Variants in CACNA2D1 observed in about 807,000 individuals in gnomAD.
CACNA2D1 encodes the protein calcium voltage-gated channel auxiliary subunit alpha2delta 1, also known as voltage-dependent calcium channel subunit alpha-2/delta-1.
Under a neutral mutation model 171.5 loss-of-function variants are expected in CACNA2D1, and 53 were observed. The observed-to-expected ratio is 0.31, with a 90% CI of 0.25 to 0.39. The LOEUF is 0.39. Ranked by LOEUF, CACNA2D1 falls within the 10% of genes least tolerant of loss-of-function variation. The pLI is 1.00. For synonymous variants in CACNA2D1, 442 were observed against 443.1 expected (o/e 1.00, Z 0.03); for missense variants, 903 against 1,299.8 (o/e 0.69, Z 4.69).
intron 6 of CACNA2D1, among the ~76,000 whole-genome samples, chr7:82,108,015 C>T (rs929340864): frequency 1.3e-5 from 2 of 152,104 alleles, no homozygotes; most frequent in African/African-American, 4.8e-5. Flanking sequence ...GTTTAATAGG[C>T]TATCAAAATA....
At chr7:82,013,598 AGAGT>A in intron 13 of CACNA2D1, 88 bp from the exon 14 acceptor site, 1 of 460,630 alleles carries the variant, frequency 2.2e-6, no homozygotes, top group Non-Finnish European at 3.3e-6. Context: ...TATTTTATAA[AGAGT>A]ATTTTGAAAA....
intron 29 of CACNA2D1, 135 bp downstream of exon 29, chr7:81,968,752 T>G (rs1794964404): frequency 1.6e-6 from 1 of 621,770 alleles, no homozygotes; most frequent in East Asian, 2.9e-5. Context: ...TTTATTTAAT[T>G]TTTTTAAGTG....
chr7:82,226,577 C>A (rs1025791337), intron 3 of CACNA2D1, among the ~76,000 whole-genome samples: 3 of 152,084 alleles, frequency 2.0e-5, no homozygotes, highest in Non-Finnish European at 4.4e-5. Context: ...AGCCACAGAA[C>A]CATTGGTGTC....
intron 3 of CACNA2D1, among the ~76,000 whole-genome samples, chr7:82,223,503 G>A (rs1802015142): frequency 6.6e-6 from 1 of 152,148 alleles, no homozygotes. Flanking sequence ...GTAGAAAGCA[G>A]GAAAGACAGA....
intron 7 of CACNA2D1, among the ~76,000 whole-genome samples, chr7:82,079,202 G>C (rs1325671259): frequency 6.6e-6 from 1 of 152,076 alleles, no homozygotes; most frequent in African/African-American, 2.4e-5. Context: ...CTACATCTGG[G>C]CAATATGCTC....
rs536379850 is a variant in CACNA2D1, at chr7:82,336,869, C to A, written c.178-1618G>T. ...TGTAGTGTGCATTGTACCATTAATACCTTGTTCATTTCTCTATGCAGTCTA... is the reference window on the plus strand; with the variant it reads ...TGTAGTGTGCATTGTACCATTAATAACTTGTTCATTTCTCTATGCAGTCTA... On this transcript the variant is annotated intron_variant, in intron 2 of 38. Transcript: ENST00000356860. 9.2e-5 allele frequency among the ~76,000 whole-genome samples: 14 copies of A among 152,212 alleles called. No individual in the cohort carries two copies. The South Asian group carries it at 2.7e-3, about 29-fold the overall frequency.
rs1256411277 is a variant in CACNA2D1 at position 82,443,301 on chromosome 7, A to AC, written c.95+63dup. On this transcript the variant is annotated intron_variant, in intron 1 of 38. Coordinates refer to ENST00000356860, the MANE Select transcript of CACNA2D1 (RefSeq NM_000722.4). ...GAAAAGCCCCGCGACTCGGGAACCG[A>AC]CCCCCACCCCCAACTCCCGCGGCGC... 27 of 1,419,580 alleles carry AC rather than the reference A, an allele frequency of 1.9e-5. No homozygotes were observed. The South Asian group carries it at 2.8e-4, about 15-fold the overall frequency. 87.9% of individuals were successfully genotyped at this position (1,419,580 alleles called of 1,614,324 possible).
At chr7:82,348,794 C>T (rs980915054) in intron 2 of CACNA2D1, among the ~76,000 whole-genome samples, 1 of 152,046 alleles carries the variant, frequency 6.6e-6, no homozygotes, top group African/African-American at 2.4e-5. Context: ...AATAAAAGGC[C>T]TCATTGCATC....
chr7:82,104,938 T>G (rs1014729015), intron 6 of CACNA2D1, among the ~76,000 whole-genome samples: 2 of 152,100 alleles, frequency 1.3e-5, no homozygotes, highest in African/African-American at 4.8e-5. Flanking sequence ...AGAGGGAAGA[T>G]TCTATTTCTC....
intron 10 of CACNA2D1, among the ~76,000 whole-genome samples, chr7:82,054,144 T>C (rs911879070): frequency 6.6e-6 from 1 of 152,196 alleles, no homozygotes; most frequent in East Asian, 1.9e-4. Context: ...CTTTAGGAAA[T>C]AAATGTTAGT....
At chr7:82,163,891 CAT>C (rs1274940806) in intron 4 of CACNA2D1, among the ~76,000 whole-genome samples, 1 of 151,996 alleles carries the variant, frequency 6.6e-6, no homozygotes, top group East Asian at 1.9e-4. Flanking sequence ...AGATAGTACT[CAT>C]AGAAGCAGAG....
chr7:82,243,579 T>C (rs971316953), intron 3 of CACNA2D1, among the ~76,000 whole-genome samples: 2 of 152,152 alleles, frequency 1.3e-5, no homozygotes, highest in Non-Finnish European at 2.9e-5. Context: ...CAAACGTGTT[T>C]TTGTTTTGGT....
rs565901109 is a variant in CACNA2D1 at position 82,013,572 on chromosome 7, T to G, written c.1223-62A>C. 1.3e-4 allele frequency: 74 copies of G among 554,394 alleles called. No individual in the cohort carries two copies. The African/African-American group carries it at 1.4e-3, about 10-fold the overall frequency. The allele number at this position is 554,394 out of a possible 1,614,324, so 34.3% of individuals were successfully genotyped here. A position where few individuals can be genotyped will look rare whatever the true frequency, so the allele number is the denominator to read the frequency against. On this transcript the variant is annotated intron_variant, in intron 13 of 38. Transcript: ENST00000356860. ...ACTTTATAATAAAGGGCCACAAAAT[T>G]ATTTTATTTTATAAATATTTTATAA...
intron 3 of CACNA2D1, among the ~76,000 whole-genome samples, chr7:82,213,629 C>T (rs1341973038): frequency 6.6e-6 from 1 of 152,210 alleles, no homozygotes; most frequent in Non-Finnish European, 1.5e-5. Flanking sequence ...CTCCTGCTTA[C>T]AGGCAAAGTA....
chr7:82,037,882 A>C (rs879741760), intron 11 of CACNA2D1, among the ~76,000 whole-genome samples, 195 bp downstream of exon 11: 2 of 152,206 alleles, frequency 1.3e-5, no homozygotes, highest in Non-Finnish European at 2.9e-5. Flanking sequence ...AAAAATCTAC[A>C]TTTTAGATGC....
chr7:82,367,040 G>A (rs1821817625), intron 1 of CACNA2D1, among the ~76,000 whole-genome samples: 1 of 150,540 alleles, frequency 6.6e-6, no homozygotes, highest in African/African-American at 2.4e-5. Flanking sequence ...CCAAGTAGCT[G>A]GGACTACAGA....
intron 10 of CACNA2D1, chr7:82,050,226 TAAAC>T: frequency 4.5e-6 from 1 of 221,914 alleles, no homozygotes; most frequent in African/African-American, 2.3e-5. Context: ...TAGTTGGTGT[TAAAC>T]AATCAAGTCA....
intron 1 of CACNA2D1, among the ~76,000 whole-genome samples, chr7:82,403,808 G>T (rs1365606425): frequency 1.3e-5 from 2 of 152,176 alleles, no homozygotes; most frequent in Admixed American, 6.5e-5. Flanking sequence ...GCTGACAGTG[G>T]CTAATTGTTC....
chr7:82,186,491 T>C (rs1797796494), intron 3 of CACNA2D1, among the ~76,000 whole-genome samples: 1 of 152,162 alleles, frequency 6.6e-6, no homozygotes, highest in Admixed American at 6.5e-5. Flanking sequence ...AAAGTTAAGG[T>C]TGCAGGGTAT....
Sources: gnomAD v4.1 joint callset for allele counts (sites outside exome capture counted in the v4.1 genomes callset) on GRCh38, gnomAD v4.1.1 for gene constraint, MANE v1.5 for transcripts, NCBI Gene and HGNC (gene_info 2026-07-23, HGNC 2026-07-21) for gene names.